CTDSPL: variants seen among roughly 807,000 people sequenced by gnomAD.
CTDSPL encodes CTD small phosphatase like, also known as CTD small phosphatase-like protein.
A neutral mutation model predicts 30.5 loss-of-function variants in CTDSPL; 8 were observed. The observed-to-expected ratio is 0.26, with a 90% CI of 0.15 to 0.47. The LOEUF is 0.47. Among genes scored for constraint, CTDSPL ranks in the 20% least tolerant of loss-of-function variants. The pLI is 0.99. For synonymous variants in CTDSPL, 110 were observed against 137.9 expected (o/e 0.80, Z 1.42); for missense variants, 248 against 366.1 (o/e 0.68, Z 2.63).
intron 1 of CTDSPL, among the ~76,000 whole-genome samples, chr3:37,890,138 T>C (rs1413664297): frequency 6.6e-6 from 1 of 152,208 alleles, no homozygotes; most frequent in African/African-American, 2.4e-5. Context: ...TGATCTGATA[T>C]AACCGACCAT....
chr3:37,975,762 G>A lies in CTDSPL; in HGVS notation c.573G>A (p.Arg191=). Residue 191 remains arginine (R), a synonymous_variant, in exon 7 of 8, where the codon CGG becomes CGA. Coordinates refer to ENST00000273179, the MANE Select transcript of CTDSPL (RefSeq NM_001008392.2). The surrounding 1 kb of genome is among the most constrained non-coding windows in gnomAD (Gnocchi z 4.9). ...LLDRWGVFRA[R]LFRESCVFHR... ...ACCGCTGGGGTGTGTTCCGGGCCCG[G>A]CTCTTCAGAGAATCATGTGTTTTTC... 6.2e-7 allele frequency: 1 copy of A among 1,614,142 alleles called. No homozygotes were observed. Among genetic ancestry groups the A allele is most frequent in the Non-Finnish European group, 8.5e-7 (1 of 1,180,030 alleles).
chr3:37,980,090 T>G (rs1699473059), intron 7 of CTDSPL, among the ~76,000 whole-genome samples: 1 of 152,228 alleles, frequency 6.6e-6, no homozygotes, highest in African/African-American at 2.4e-5. Flanking sequence ...TTAAACATGT[T>G]TGGTTTATTC....
At chr3:37,961,256 AGCCAGG>A (rs1336302231) in intron 3 of CTDSPL, among the ~76,000 whole-genome samples, 1 of 152,200 alleles carries the variant, frequency 6.6e-6, no homozygotes, top group Non-Finnish European at 1.5e-5. Context: ...CCCAACTATG[AGCCAGG>A]ATTTAGGGCC....
At chr3:37,901,973 G>A (rs1698455290) in intron 1 of CTDSPL, among the ~76,000 whole-genome samples, 1 of 152,186 alleles carries the variant, frequency 6.6e-6, no homozygotes, top group African/African-American at 2.4e-5. Flanking sequence ...CATCTTCGTG[G>A]TTGCGAGATG....
intron 1 of CTDSPL, among the ~76,000 whole-genome samples, chr3:37,946,626 G>C (rs1699042009): frequency 6.6e-6 from 1 of 152,198 alleles, no homozygotes; most frequent in Non-Finnish European, 1.5e-5. Flanking sequence ...ATTATTTGTT[G>C]GTATCCATAA....
At chr3:37,904,956 A>G (rs551809173) in intron 1 of CTDSPL, among the ~76,000 whole-genome samples, 7 of 152,308 alleles carry the variant, frequency 4.6e-5, no homozygotes, top group South Asian at 2.1e-4. Flanking sequence ...GGAAGCCTTC[A>G]GTGCCTCCTC....
intron 3 of CTDSPL, among the ~76,000 whole-genome samples, chr3:37,960,018 A>G (rs891142044): frequency 1.3e-5 from 2 of 152,210 alleles, no homozygotes; most frequent in African/African-American, 4.8e-5. Flanking sequence ...AGCCTGGGCA[A>G]CATGGTGAAA....
At chr3:37,901,348 AG>A (rs142423049) in intron 1 of CTDSPL, among the ~76,000 whole-genome samples, 4,906 of 152,236 alleles carry the variant, frequency 0.032, 91 homozygotes, top group Middle Eastern at 0.051. Context: ...TGTTCTTCCC[AG>A]GGGGACAGGC....
Position 37,893,511 on chromosome 3 carries a change from A to T in CTDSPL, c.79+31233A>T, listed in dbSNP as rs575676695. Among the ~76,000 whole-genome samples the T allele has an allele frequency of 2.0e-5, 3 of 151,718 alleles. No individual in the cohort carries two copies. In the South Asian group the frequency reaches 6.3e-4, roughly 32 times the overall value. The stretch of plus-strand genomic sequence containing the variant: ...TAATGCAAATATTGACTCAATCTCA[A>T]CCTTTGCAGTTAATTCTCCAACTCG... On this transcript the variant is annotated intron_variant, in intron 1 of 7. Transcript: ENST00000273179.
At chr3:37,878,756 G>A (rs1262608313) in intron 1 of CTDSPL, among the ~76,000 whole-genome samples, 2 of 152,160 alleles carry the variant, frequency 1.3e-5, no homozygotes, top group Admixed American at 6.5e-5. Flanking sequence ...AACAGATTTT[G>A]TATCGTGTAT....
intron 1 of CTDSPL, among the ~76,000 whole-genome samples, chr3:37,869,220 G>A (rs1056578965): frequency 5.9e-5 from 9 of 152,014 alleles, no homozygotes; most frequent in Admixed American, 2.0e-4. Context: ...ATTGCGTAGT[G>A]ATCAGATCAA....
intron 1 of CTDSPL, among the ~76,000 whole-genome samples, chr3:37,869,263 A>G (rs897643232): frequency 1.3e-5 from 2 of 152,056 alleles, no homozygotes; most frequent in Non-Finnish European, 2.9e-5. Flanking sequence ...TCAAACATTT[A>G]TCATTTCTTT....
intron 1 of CTDSPL, among the ~76,000 whole-genome samples, chr3:37,927,657 T>TGG (rs1698797277): frequency 7.3e-6 from 1 of 136,276 alleles, no homozygotes; most frequent in South Asian, 2.2e-4. Context: ...TGTGTGTGTG[T>TGG]GTGTGTGTGT....
chr3:37,967,442 C>T (rs1027346283), intron 4 of CTDSPL, among the ~76,000 whole-genome samples: 6 of 152,350 alleles, frequency 3.9e-5, no homozygotes, highest in Middle Eastern at 3.4e-3. Context: ...CCTCAAGCAG[C>T]ACTGTCCTCG....
intron 1 of CTDSPL, among the ~76,000 whole-genome samples, chr3:37,905,411 C>T (rs1698502708): frequency 6.6e-6 from 1 of 152,202 alleles, no homozygotes; most frequent in Admixed American, 6.5e-5. Flanking sequence ...AGCCAGTTCT[C>T]CAGTCAAGTT....
chr3:37,925,508 T>C (rs1698771320), intron 1 of CTDSPL, among the ~76,000 whole-genome samples: 2 of 152,206 alleles, frequency 1.3e-5, no homozygotes, highest in South Asian at 4.1e-4. Flanking sequence ...TGCCTTCACC[T>C]ATCATCTTGG....
chr3:37,978,785 A>G (rs1006855563), intron 7 of CTDSPL, among the ~76,000 whole-genome samples: 5 of 152,180 alleles, frequency 3.3e-5, no homozygotes, highest in Non-Finnish European at 7.3e-5. Context: ...CCTGGTCCCT[A>G]TTAGTGGAAG....
At position 37,984,078 on chromosome 3, in the gene CTDSPL, C is replaced by T. The variant is rs1315337007; in HGVS notation, c.*3211C>T. 7.8e-6 allele frequency: 3 copies of T among 382,998 alleles called. No homozygotes were observed. The highest frequency in any genetic ancestry group is 7.4e-5 in the East Asian group (1 of 13,496). 23.7% of individuals were successfully genotyped at this position (382,998 alleles called of 1,614,324 possible). A position where few individuals can be genotyped will look rare whatever the true frequency, so the allele number is the denominator to read the frequency against. ...ACAGCCCTATGGTCAAACAATCCTA[C>T]GTTTGTGCCTCTGCTTTTAAAGGTG... On this transcript the variant is annotated 3_prime_UTR_variant, in exon 8 of 8. Transcript: ENST00000273179.
chr3:37,893,415 TC>T (rs767086919), intron 1 of CTDSPL, among the ~76,000 whole-genome samples: 6 of 152,208 alleles, frequency 3.9e-5, no homozygotes, highest in Non-Finnish European at 7.3e-5. Context: ...AGATCACACT[TC>T]CAGAGCTCTC....
Sources: allele counts gnomAD v4.1 joint callset (sites outside exome capture counted in the v4.1 genomes callset), GRCh38; gene constraint gnomAD v4.1.1; non-coding constraint Gnocchi (gnomAD v3.1); transcripts MANE v1.5; gene names NCBI Gene and HGNC (gene_info 2026-07-23, HGNC 2026-07-21).